SLC35B4: variants seen among roughly 807,000 people sequenced by gnomAD.
SLC35B4 encodes solute carrier family 35 member B4.
Under a neutral mutation model 39.5 loss-of-function variants are expected in SLC35B4, and 28 were observed. That is an observed-to-expected ratio of 0.71 (90% CI 0.53 to 0.97). SLC35B4 has a LOEUF of 0.97. Ranked by LOEUF, SLC35B4 falls within the 50% of genes least tolerant of loss-of-function variation. SLC35B4 has a pLI of 0.00. For missense variants in SLC35B4, 334 were observed against 414.3 expected, an observed-to-expected ratio of 0.81 and a Z score of 1.68; for synonymous variants, 145 against 150.4, an observed-to-expected ratio of 0.96 and a Z score of 0.26.
chr7:134,296,488 A>G (rs1313341023), intron 8 of SLC35B4, 22 bp from the exon 9 acceptor site: 5 of 1,587,806 alleles, frequency 3.1e-6, no homozygotes, highest in Non-Finnish European at 4.3e-6. Flanking sequence ...ACAAGAGGAT[A>G]TAGCCATATT....
At chr7:134,319,857 C>T (rs1323016981), upstream of SLC35B4, among the ~76,000 whole-genome samples, 12 of 152,170 alleles carry the variant, frequency 7.9e-5, no homozygotes, top group African/African-American at 2.9e-4. Context: ...TATATCCCAT[C>T]GGTTCCACCT....
chr7:134,302,169 CA>C (rs1453903650), intron 4 of SLC35B4, 59 bp from the exon 5 acceptor site: 2 of 1,392,086 alleles, frequency 1.4e-6, no homozygotes, highest in African/African-American at 2.9e-5. Context: ...ATGAATTTCC[CA>C]GTGATATTTA....
chr7:134,295,468 T>G (rs1803442626), intron 9 of SLC35B4, among the ~76,000 whole-genome samples: 1 of 152,156 alleles, frequency 6.6e-6, no homozygotes, highest in Admixed American at 6.5e-5. Flanking sequence ...AGGAGCTGAC[T>G]TCAGAGGAAT....
Position 134,306,699 on chromosome 7 carries a change from G to A in SLC35B4, c.267C>T (p.Ala89=). The change falls in exon 3 of 10, where the codon GCC becomes GCT. Residue 89 remains alanine, a synonymous_variant. Transcript: ENST00000378509. ...ATCTAAATATCATATGCAGGGGCAT[G>A]GCAATGTTGAGATTCAGGGCATAGT... is the stretch of plus-strand genomic sequence containing the variant. The part of the protein sequence containing the change: ...VNNYALNLNI[A]MPLHMIFRSG... The A allele has an allele frequency of 1.9e-6, 3 of 1,613,976 alleles. No homozygotes were observed. Among genetic ancestry groups the A allele is most frequent in the Non-Finnish European group, 8.5e-7 (1 of 1,179,962 alleles).
chr7:134,305,765 G>C (rs528833658), intron 3 of SLC35B4, among the ~76,000 whole-genome samples: 20 of 152,288 alleles, frequency 1.3e-4, no homozygotes, highest in Admixed American at 6.5e-4. Flanking sequence ...CTGCCTCCCA[G>C]GTTCAAGCGA....
Position 134,293,030 on chromosome 7 carries a change from G to C in SLC35B4, c.*1803C>G, listed in dbSNP as rs902344048. The C allele has an allele frequency of 6.6e-6, 1 of 152,170 alleles. No homozygotes were observed. The highest frequency in any genetic ancestry group is 2.4e-5 in the African/African-American group (1 of 41,418). 9.4% of individuals were successfully genotyped at this position (152,170 alleles called of 1,614,324 possible). A position where few individuals can be genotyped will look rare whatever the true frequency, so the allele number is the denominator to read the frequency against. On this transcript the variant is annotated 3_prime_UTR_variant, in exon 10 of 10. Transcript: ENST00000378509. ...CCACTGCTGTTGCTCAAATCCATCA[G>C]AGAATAGCTCTGGACAGTGGAATAA... is the stretch of plus-strand genomic sequence containing the variant.
At chr7:134,297,652 A>G (rs1007009568) in intron 8 of SLC35B4, among the ~76,000 whole-genome samples, 70 of 152,394 alleles carry the variant, frequency 4.6e-4, no homozygotes, top group African/African-American at 1.6e-3. Context: ...GAATCTCTGT[A>G]AACAGACATG....
At position 134,293,289 on chromosome 7, in the gene SLC35B4, G is replaced by A. The variant is rs1294819664; in HGVS notation, c.*1544C>T. The A allele has an allele frequency of 6.6e-6, 1 of 152,170 alleles. No individual in the cohort carries two copies. The highest frequency in any genetic ancestry group is 1.9e-4 in the East Asian group (1 of 5,186). 9.4% of individuals were successfully genotyped at this position (152,170 alleles called of 1,614,324 possible). Reference sequence around the variant, plus strand: ...GATGTGAAAGTGCAGCCACTTCCGTGCCCTTTGATCACACACAGACTACAC... The same window carrying A: ...GATGTGAAAGTGCAGCCACTTCCGTACCCTTTGATCACACACAGACTACAC... On this transcript the variant is annotated 3_prime_UTR_variant, in exon 10 of 10. Coordinates refer to ENST00000378509, the MANE Select transcript of SLC35B4 (RefSeq NM_032826.5).
In SLC35B4 at chr7:134,299,687, G is replaced by C. The variant is rs899849251; in HGVS notation, c.598-89C>G. 3.3e-5 allele frequency: 37 copies of C among 1,136,456 alleles called. No individual in the cohort carries two copies. In the African/African-American group the frequency reaches 3.6e-4, roughly 11 times the overall value. 70.4% of individuals were successfully genotyped at this position (1,136,456 alleles called of 1,614,324 possible). Reference sequence around the variant, plus strand: ...TTTACAATGATTAAAAGTCGTACAGGTTGTTTGACAGCAATACAAAGAAAA... The same window carrying C: ...TTTACAATGATTAAAAGTCGTACAGCTTGTTTGACAGCAATACAAAGAAAA... On this transcript the variant is annotated intron_variant, in intron 7 of 9. Transcript: ENST00000378509.
intron 1 of SLC35B4, 73 bp downstream of exon 1, chr7:134,316,602 C>G (rs1239647080): frequency 6.7e-7 from 1 of 1,491,422 alleles, no homozygotes; most frequent in Non-Finnish European, 9.1e-7. Flanking sequence ...TGGGCGCGTC[C>G]CGGGGGGACC....
intron 4 of SLC35B4, 81 bp from the exon 5 acceptor site, chr7:134,302,191 G>T: frequency 8.7e-7 from 1 of 1,151,718 alleles, no homozygotes. Context: ...CAGTCAGATG[G>T]TGCATGAAAG....
intron 9 of SLC35B4, among the ~76,000 whole-genome samples, chr7:134,295,589 ATTTC>A (rs1475084324): frequency 6.6e-6 from 1 of 151,944 alleles, no homozygotes; most frequent in Non-Finnish European, 1.5e-5. Flanking sequence ...TTACTTTGAA[ATTTC>A]TTTTTTTTTT....
intron 1 of SLC35B4, among the ~76,000 whole-genome samples, chr7:134,314,816 G>A (rs917612069): frequency 6.6e-6 from 1 of 152,182 alleles, no homozygotes; most frequent in Non-Finnish European, 1.5e-5. Flanking sequence ...TTACAGGTGT[G>A]AGCCACCATG....
chr7:134,312,842 C>T (rs1347909397), intron 1 of SLC35B4, among the ~76,000 whole-genome samples: 1 of 152,008 alleles, frequency 6.6e-6, no homozygotes, highest in African/African-American at 2.4e-5. Flanking sequence ...TTGCGGTTAC[C>T]CTTAGCATTA....
chr7:134,296,675 T>C (rs1359123001), intron 8 of SLC35B4, among the ~76,000 whole-genome samples: 1 of 152,228 alleles, frequency 6.6e-6, no homozygotes, highest in Admixed American at 6.5e-5. Flanking sequence ...AAACAAATAA[T>C]AGTTTTAATT....
At chr7:134,295,491 G>T (rs557650170) in intron 9 of SLC35B4, among the ~76,000 whole-genome samples, 2 of 151,988 alleles carry the variant, frequency 1.3e-5, no homozygotes, top group Non-Finnish European at 2.9e-5. Flanking sequence ...GGTCAATCTC[G>T]ATTCGTTTCA....
chr7:134,312,421 G>C (rs1165234302), intron 1 of SLC35B4, among the ~76,000 whole-genome samples: 1 of 151,968 alleles, frequency 6.6e-6, no homozygotes, highest in Non-Finnish European at 1.5e-5. Context: ...ACTTGAATGG[G>C]ACTGGATCCC....
At chr7:134,301,053 T>C (rs748225887) in intron 6 of SLC35B4, among the ~76,000 whole-genome samples, 3 of 152,206 alleles carry the variant, frequency 2.0e-5, no homozygotes, top group African/African-American at 7.2e-5. Context: ...ATTTTTCTAA[T>C]AGCACATAAG....
intron 1 of SLC35B4, 56 bp downstream of exon 1, chr7:134,316,619 C>T: frequency 6.5e-7 from 1 of 1,535,214 alleles, no homozygotes; most frequent in African/African-American, 1.4e-5. Context: ...GACCTCTCCT[C>T]TGGCTTCCTC....
Sources: allele counts gnomAD v4.1 joint callset (sites outside exome capture counted in the v4.1 genomes callset), GRCh38; gene constraint gnomAD v4.1.1; transcripts MANE v1.5; gene names NCBI Gene and HGNC (gene_info 2026-07-23, HGNC 2026-07-21).